Variants in PTGR2 observed in about 807,000 individuals in gnomAD.
PTGR2 encodes 15-oxoprostaglandin 13-reductase.
In PTGR2, 32 loss-of-function variants were observed where a neutral mutation model predicts 43.4. That is an observed-to-expected ratio of 0.74 (90% CI 0.56 to 0.99). The LOEUF (loss-of-function observed/expected upper bound fraction) is 0.99. Among genes scored for constraint, PTGR2 ranks in the 50% least tolerant of loss-of-function variants. PTGR2 has a pLI of 0.00. For missense variants in PTGR2, 373 were observed against 420.0 expected (o/e 0.89, Z 0.98); for synonymous variants, 106 against 139.2 (o/e 0.76, Z 1.68).
At chr14:73,858,949 G>A (rs1435813691) in intron 2 of PTGR2, 50 bp downstream of exon 2, 13 of 1,451,224 alleles carry the variant, frequency 9.0e-6, no homozygotes, top group African/African-American at 2.8e-5. Context: ...AAGTATTAAT[G>A]CAAATGGAGG....
chr14:73,856,370 C>T (rs889304587), intron 1 of PTGR2, among the ~76,000 whole-genome samples: 1 of 152,060 alleles, frequency 6.6e-6, no homozygotes, highest in Non-Finnish European at 1.5e-5. Context: ...CTCAGCCTCC[C>T]AAGTAGCTGG....
At position 73,879,191 on chromosome 14, in the gene PTGR2, A is replaced by T. The variant is rs1417597597; in HGVS notation, c.615A>T (p.Ala205=). The change falls in exon 6 of 10, where the codon GCA becomes GCT. Residue 205 remains alanine (A), a synonymous_variant. Transcript: ENST00000555661. The part of the protein sequence containing the change: ...LLTSELGFDA[A]INYKKDNVAE... ...CCTCAGAACTGGGCTTTGATGCTGC[A>T]ATTAATTATAAAAAAGACAATGTGG... The T allele has an allele frequency of 6.2e-7, 1 of 1,614,098 alleles. No homozygotes were observed. The highest frequency in any genetic ancestry group is 8.5e-7 in the Non-Finnish European group (1 of 1,179,992).
rs952532726 is a variant in PTGR2 at position 73,882,346 on chromosome 14, T to C, written c.940-53T>C. On this transcript the variant is annotated intron_variant, in intron 8 of 9. Transcript: ENST00000555661. The stretch of plus-strand genomic sequence containing the variant: ...GCTTTTGTAAGTATGGAAACTATCA[T>C]ATAGAAACATTGAAGTTTAAAGACT... The C allele has an allele frequency of 1.2e-5, 13 of 1,095,248 alleles. No individual in the cohort carries two copies. The South Asian group carries it at 1.7e-4, about 14-fold the overall frequency. 67.8% of individuals were successfully genotyped at this position (1,095,248 alleles called of 1,614,324 possible). A position where few individuals can be genotyped will look rare whatever the true frequency, so the allele number is the denominator to read the frequency against.
chr14:73,852,940 T>C (rs978594999), intron 1 of PTGR2, among the ~76,000 whole-genome samples: 1 of 151,788 alleles, frequency 6.6e-6, no homozygotes, highest in South Asian at 2.1e-4. Flanking sequence ...GTTCTCCAGC[T>C]TCAGCCTCCT....
chr14:73,876,949 T>C lies in PTGR2; in HGVS notation c.349-49T>C, dbSNP rs753525546. 2.1e-6 allele frequency: 3 copies of C among 1,451,850 alleles called. No homozygotes were observed. The Admixed American group carries it at 5.6e-5, about 27-fold the overall frequency. 89.9% of individuals were successfully genotyped at this position (1,451,850 alleles called of 1,614,324 possible). A position where few individuals can be genotyped will look rare whatever the true frequency, so the allele number is the denominator to read the frequency against. ...AACACGTTGTCTCTACTTTGTTGTC[T>C]CAAAACAGGAATTCCTAGTATTTTT... On this transcript the variant is annotated intron_variant, in intron 4 of 9. Coordinates refer to ENST00000555661, the MANE Select transcript of PTGR2 (RefSeq NM_001146154.2).
intron 1 of PTGR2, among the ~76,000 whole-genome samples, chr14:73,852,328 C>T (rs1159317888): frequency 6.6e-5 from 10 of 152,138 alleles, no homozygotes. Flanking sequence ...GTGGCGCGAT[C>T]TCGGCTCACT....
chr14:73,853,764 G>T (rs1000175422), intron 1 of PTGR2, among the ~76,000 whole-genome samples: 2 of 150,170 alleles, frequency 1.3e-5, no homozygotes, highest in East Asian at 2.0e-4. Context: ...AAGGAAACAG[G>T]TTGAGAGAAG....
chr14:73,870,051 G>T (rs1355269888), intron 3 of PTGR2, among the ~76,000 whole-genome samples: 2 of 151,780 alleles, frequency 1.3e-5, no homozygotes, highest in Non-Finnish European at 1.5e-5. Flanking sequence ...AAAAGAATCA[G>T]CTGGGCATGG....
intron 8 of PTGR2, among the ~76,000 whole-genome samples, 182 bp downstream of exon 8, chr14:73,881,474 C>G (rs553859311): frequency 2.0e-4 from 31 of 152,124 alleles, no homozygotes; most frequent in Non-Finnish European, 2.8e-4. Flanking sequence ...ATCAACAAAC[C>G]CTTGCTTGTT....
At chr14:73,855,329 A>G (rs2054320928) in intron 1 of PTGR2, among the ~76,000 whole-genome samples, 1 of 152,188 alleles carries the variant, frequency 6.6e-6, no homozygotes, top group African/African-American at 2.4e-5. Context: ...TTTGCCATAT[A>G]ATGACGGTTC....
At chr14:73,853,569 C>T (rs1443784514) in intron 1 of PTGR2, among the ~76,000 whole-genome samples, 2 of 152,052 alleles carry the variant, frequency 1.3e-5, no homozygotes, top group East Asian at 1.9e-4. Context: ...GTGATCTGCC[C>T]ACCTCAGCTT....
intron 3 of PTGR2, among the ~76,000 whole-genome samples, chr14:73,864,326 T>A (rs1332085049): frequency 1.3e-5 from 2 of 152,190 alleles, no homozygotes; most frequent in Non-Finnish European, 2.9e-5. Flanking sequence ...AATTACTAGG[T>A]CATACAGTAA....
intron 4 of PTGR2, among the ~76,000 whole-genome samples, chr14:73,876,218 T>TA (rs2054861748): frequency 6.6e-6 from 1 of 152,238 alleles, no homozygotes; most frequent in Non-Finnish European, 1.5e-5. Flanking sequence ...TACTCTTCTA[T>TA]AAACCATATT....
chr14:73,854,049 T>G (rs1254998271), intron 1 of PTGR2, among the ~76,000 whole-genome samples: 1 of 152,174 alleles, frequency 6.6e-6, no homozygotes, highest in Non-Finnish European at 1.5e-5. Context: ...GTGTCTTATT[T>G]TAGCTGTTAA....
intron 3 of PTGR2, among the ~76,000 whole-genome samples, chr14:73,867,191 A>G (rs62003700): frequency 0.49 from 74,103 of 151,328 alleles, 18,370 homozygotes; most frequent in South Asian, 0.61. Context: ...TCCTGTCCTC[A>G]GAGTTCCTGG....
chr14:73,882,397 A>C lies in PTGR2; in HGVS notation c.940-2A>C. 1 of 1,558,090 alleles carries C rather than the reference A, an allele frequency of 6.4e-7. No individual in the cohort carries two copies. Among genetic ancestry groups the C allele is most frequent in the Non-Finnish European group, 8.8e-7 (1 of 1,131,502 alleles). ...ATTAAATCTAGCTATTTTGATTTAC[A>C]GATTAAAGAGACGGTAATAAATGGG... is the stretch of plus-strand genomic sequence containing the variant. On this transcript the variant is annotated splice_acceptor_variant, in intron 8 of 9. Transcript: ENST00000555661. LOFTEE classifies it high-confidence loss of function.
At chr14:73,860,012 C>T (rs1483621734) in intron 2 of PTGR2, among the ~76,000 whole-genome samples, 5 of 151,764 alleles carry the variant, frequency 3.3e-5, no homozygotes, top group Admixed American at 3.3e-4. Flanking sequence ...CCACGCCTGG[C>T]TAGTTTTTGT....
intron 1 of PTGR2, among the ~76,000 whole-genome samples, chr14:73,852,928 C>CAGTT (rs1006983383): frequency 1.8e-4 from 27 of 152,240 alleles, no homozygotes; most frequent in African/African-American, 6.5e-4. Flanking sequence ...TGGGTTCAGG[C>CAGTT]AGTTCTCCAG....
intron 3 of PTGR2, among the ~76,000 whole-genome samples, chr14:73,873,037 G>A (rs917188219): frequency 1.5e-4 from 23 of 151,408 alleles, no homozygotes; most frequent in African/African-American, 5.3e-4. Flanking sequence ...CAGGCCAGGC[G>A]TGGTGGCTCA....
Sources: allele counts gnomAD v4.1 joint callset (sites outside exome capture counted in the v4.1 genomes callset), GRCh38; gene constraint gnomAD v4.1.1; transcripts MANE v1.5; gene names NCBI Gene and HGNC (gene_info 2026-07-23, HGNC 2026-07-21).